PANX2: variants seen among roughly 807,000 people sequenced by gnomAD.
PANX2 encodes the protein pannexin-2.
PANX2 carries 30 observed loss-of-function variants against 38.7 expected under a neutral mutation model. The ratio of observed to expected loss-of-function variants is 0.78; its 90% CI spans 0.58 to 1.05. The LOEUF (loss-of-function observed/expected upper bound fraction) is 1.05. Ranked by LOEUF, PANX2 falls within the 50% of genes least tolerant of loss-of-function variation. The probability of loss-of-function intolerance (pLI) is 0.00; values close to 1 mark genes in which losing one functional copy is unlikely to be tolerated. For synonymous variants in PANX2, 539 were observed against 472.1 expected (o/e 1.14, Z -1.84); for missense variants, 880 against 979.3 (o/e 0.90, Z 1.35).
At chr22:50,175,761 G>A (rs761808600) in intron 1 of PANX2, among the ~76,000 whole-genome samples, 6 of 152,242 alleles carry the variant, frequency 3.9e-5, no homozygotes, top group Non-Finnish European at 8.8e-5. Context: ...CGGGAGCTCC[G>A]TGTGGGGTCT....
chr22:50,178,782 C>G (rs1358112023), intron 2 of PANX2, 152 bp from the exon 3 acceptor site: 2 of 646,922 alleles, frequency 3.1e-6, no homozygotes, highest in Non-Finnish European at 5.2e-6. Flanking sequence ...TGTTCCCAGG[C>G]CAACTGCTGT....
intron 1 of PANX2, among the ~76,000 whole-genome samples, chr22:50,173,180 A>G (rs1415025672): frequency 1.4e-5 from 2 of 147,154 alleles, no homozygotes. Flanking sequence ...ACAGGCGTTG[A>G]GCCACCGTGC....
At chr22:50,173,387 C>T (rs772640144) in intron 1 of PANX2, among the ~76,000 whole-genome samples, 51 of 152,268 alleles carry the variant, frequency 3.3e-4, no homozygotes, top group Non-Finnish European at 5.4e-4. Flanking sequence ...CGAGCACCCT[C>T]CCAGGAGCCT....
chr22:50,175,423 C>T (rs1255498175), intron 1 of PANX2: 24 of 1,295,604 alleles, frequency 1.9e-5, no homozygotes, highest in Non-Finnish European at 2.3e-5. Context: ...TCCCTGTTCT[C>T]TTCCCCAGGG....
Position 50,179,102 on chromosome 22 carries a change from A to C in PANX2, c.1859A>C (p.Asn620Thr). The change falls in exon 3 of 3, where the codon AAC becomes ACC. Residue 620 changes from asparagine (N) to threonine (T), a missense_variant. Transcript: ENST00000395842. ...GAGCCCCTCACCATCCTGAGCCGAA[A>C]CGCCACACACCCGCTGCTGCACATC... ...KAEPLTILSRNATHPLLHINT... is the reference protein window; with the variant it reads ...KAEPLTILSRTATHPLLHINT... The C allele has an allele frequency of 6.2e-7, 1 of 1,611,866 alleles. No homozygotes were observed. Among genetic ancestry groups the C allele is most frequent in the Non-Finnish European group, 8.5e-7 (1 of 1,179,432 alleles).
At chr22:50,178,553 G>T in intron 2 of PANX2, 151 bp downstream of exon 2, 1 of 567,574 alleles carries the variant, frequency 1.8e-6, no homozygotes. Context: ...GGAGGCCGAG[G>T]TTTGAACCGG....
At chr22:50,178,430 G>C (rs1002499430) in intron 2 of PANX2, 28 bp downstream of exon 2, 11 of 1,349,704 alleles carry the variant, frequency 8.1e-6, no homozygotes, top group African/African-American at 1.5e-5. Flanking sequence ...GAGAGGGGAC[G>C]GGGGACTGGG....
chr22:50,173,904 C>T (rs914438054), intron 1 of PANX2, among the ~76,000 whole-genome samples: 6 of 152,164 alleles, frequency 3.9e-5, no homozygotes, highest in Non-Finnish European at 2.9e-5. Context: ...CAATTGCTGC[C>T]CACCAAGACC....
rs1158233977 is a variant in PANX2, at chr22:50,178,114, G to T, written c.1402G>T (p.Ala468Ser). ...EKPKPARRKTATDTLIAPLLD... is the reference protein window; with the variant it reads ...EKPKPARRKTSTDTLIAPLLD... ...GCCGAAGCCCGCGCGCAGGAAGACGGCCACGGACACGCTGATCGCGCCGCT... is the reference window on the plus strand; with the variant it reads ...GCCGAAGCCCGCGCGCAGGAAGACGTCCACGGACACGCTGATCGCGCCGCT... Residue 468 changes from alanine (A) to serine (S), a missense_variant, in exon 2 of 3, where the codon GCC (alanine) becomes TCC (serine). Ala to Ser is a moderately conservative substitution (Grantham distance 99). Coordinates refer to ENST00000395842, the MANE Select transcript of PANX2 (RefSeq NM_052839.4). 1.9e-6 allele frequency: 3 copies of T among 1,542,964 alleles called. No homozygotes were observed. Among genetic ancestry groups the T allele is most frequent in the Non-Finnish European group, 2.6e-6 (3 of 1,153,552 alleles).
chr22:50,173,617 C>G (rs1017895751), intron 1 of PANX2, among the ~76,000 whole-genome samples: 1 of 152,210 alleles, frequency 6.6e-6, no homozygotes, highest in Non-Finnish European at 1.5e-5. Flanking sequence ...GTAGCAGGTG[C>G]GCAGCCACCG....
chr22:50,177,218 C>T lies in PANX2; in HGVS notation c.506C>T (p.Ala169Val). Residue 169 changes from alanine to valine, a missense_variant, in exon 2 of 3, where the codon GCC becomes GTC. Physicochemically the swap from Ala to Val is moderately conservative, Grantham distance 64. Around this residue, in one of 4 missense-constraint regions of PANX2, gnomAD observed 243 missense variants for 333.1 expected, o/e 0.73. Transcript: ENST00000395842. ...QEIDNCYHRA[A>V]EGRAPKIEKQ... is the part of the protein sequence containing the mutation. ...ATCGACAACTGTTACCACCGGGCGG[C>T]CGAGGGCCGCGCGCCCAAGATCGAG... The T allele has an allele frequency of 6.2e-7, 1 of 1,610,736 alleles. No individual in the cohort carries two copies. The highest frequency in any genetic ancestry group is 8.5e-7 in the Non-Finnish European group (1 of 1,179,018).
Position 50,177,837 on chromosome 22 carries a change from C to T in PANX2, c.1125C>T (p.Tyr375=), listed in dbSNP as rs148797329. The T allele has an allele frequency of 3.1e-4, 493 of 1,596,004 alleles. 1 individual carries two copies. The highest frequency in any genetic ancestry group is 3.9e-4 in the Non-Finnish European group (461 of 1,177,730). The part of the protein sequence containing the change: ...DFITNESDLM[Y]DNVVRQLLAA... ...TCACCAACGAGAGCGACCTCATGTACGACAACGTGGTCCGGCAGCTGCTGG... is the reference window on the plus strand; with the variant it reads ...TCACCAACGAGAGCGACCTCATGTATGACAACGTGGTCCGGCAGCTGCTGG... The change falls in exon 2 of 3, where the codon TAC becomes TAT. Residue 375 remains tyrosine, a synonymous_variant. Coordinates refer to ENST00000395842, the MANE Select transcript of PANX2 (RefSeq NM_052839.4).
At chr22:50,172,062 G>C (rs1452891006) in intron 1 of PANX2, among the ~76,000 whole-genome samples, 1 of 152,158 alleles carries the variant, frequency 6.6e-6, no homozygotes, top group Non-Finnish European at 1.5e-5. Flanking sequence ...CCAGACCCCG[G>C]GGATTAGAGG....
rs577514983 is a variant in PANX2, at chr22:50,173,148, G to A, written c.226+2192G>A. Among the ~76,000 whole-genome samples the A allele has an allele frequency of 5.3e-5, 8 of 150,906 alleles. No individual in the cohort carries two copies. In the East Asian group the frequency reaches 1.2e-3, roughly 22 times the overall value. On this transcript the variant is annotated intron_variant, in intron 1 of 2. Coordinates refer to ENST00000395842, the MANE Select transcript of PANX2 (RefSeq NM_052839.4). Reference sequence around the variant, plus strand: ...CCTGACCTCGTGATCCGCCCACCTTGGCCTCCCAAAGTGCTGGGATTACAG... The same window carrying A: ...CCTGACCTCGTGATCCGCCCACCTTAGCCTCCCAAAGTGCTGGGATTACAG...
At chr22:50,176,894 C>T (rs1236555097) in intron 1 of PANX2, 45 bp from the exon 2 acceptor site, 3 of 1,476,196 alleles carry the variant, frequency 2.0e-6, no homozygotes, top group Admixed American at 2.4e-5. Flanking sequence ...TCAGCCCAGC[C>T]CGTGCGCCTC....
Position 50,176,920 on chromosome 22 carries a change from G to A in PANX2, c.227-19G>A. 1 of 1,510,330 alleles carries A rather than the reference G, an allele frequency of 6.6e-7. No homozygotes were observed. Among genetic ancestry groups the A allele is most frequent in the Non-Finnish European group, 8.8e-7 (1 of 1,136,456 alleles). The allele number at this position is 1,510,330 out of a possible 1,614,324, so 93.6% of individuals were successfully genotyped here. A position where few individuals can be genotyped will look rare whatever the true frequency, so the allele number is the denominator to read the frequency against. ...CGTGCGCCTCCCCGCCCCAGCCCGT[G>A]TCTCCTCTTTGCCCCCAGAGGAACC... On this transcript the variant is annotated intron_variant, in intron 1 of 2. Transcript: ENST00000395842.
At position 50,180,085 on chromosome 22, in the gene PANX2, G is replaced by C. The variant is rs527508861; in HGVS notation, c.*808G>C. 1 of 152,286 alleles carries C rather than the reference G, an allele frequency of 6.6e-6. No individual in the cohort carries two copies. Among genetic ancestry groups the C allele is most frequent in the South Asian group, 2.1e-4 (1 of 4,844 alleles). 9.4% of individuals were successfully genotyped at this position (152,286 alleles called of 1,614,324 possible). A position where few individuals can be genotyped will look rare whatever the true frequency, so the allele number is the denominator to read the frequency against. On this transcript the variant is annotated 3_prime_UTR_variant, in exon 3 of 3. Transcript: ENST00000395842. The stretch of plus-strand genomic sequence containing the variant: ...CGAGTGCGTGAGTGCACGCCAGCGC[G>C]TGGCCCATGTATGAGGAGTGAAGGG...
In PANX2 at chr22:50,177,514, G is replaced by T. The variant is rs768082936; in HGVS notation, c.802G>T (p.Ala268Ser). The T allele has an allele frequency of 3.1e-6, 5 of 1,609,502 alleles. No individual in the cohort carries two copies. The South Asian group carries it at 4.4e-5, about 14-fold the overall frequency. The stretch of plus-strand genomic sequence containing the variant: ...CGCGCTGGGCGCGTCCCCGGACGGG[G>T]CGGCAGGTGCGGGGCCCGCGGTGCG... ...TCALGASPDG[A>S]AGAGPAVRVS... Residue 268 changes from alanine (A) to serine (S), a missense_variant, in exon 2 of 3, where the codon GCG becomes TCG. By Grantham distance (99) the Ala-to-Ser change is moderately conservative. Coordinates refer to ENST00000395842, the MANE Select transcript of PANX2 (RefSeq NM_052839.4).
rs1476688440 is a variant in PANX2 at position 50,178,379 on chromosome 22, G to A, written c.1667G>A (p.Gly556Asp). Reference protein sequence around the residue: ...FLSQAEDCGLGLAPAPIKDAP... With the variant: ...FLSQAEDCGLDLAPAPIKDAP... ...TCCCAGGCGGAGGACTGTGGGCTAG[G>A]CCTGGCCCCGGCGCCCATCAAAGGT... Residue 556 changes from glycine to aspartate, a missense_variant, in exon 2 of 3, where the codon GGC (glycine) becomes GAC (aspartate). Coordinates refer to ENST00000395842, the MANE Select transcript of PANX2 (RefSeq NM_052839.4). 7.0e-7 allele frequency: 1 copy of A among 1,438,648 alleles called. No homozygotes were observed. Among genetic ancestry groups the A allele is most frequent in the Non-Finnish European group, 9.1e-7 (1 of 1,103,324 alleles). 89.1% of individuals were successfully genotyped at this position (1,438,648 alleles called of 1,614,324 possible).
Sources: allele counts gnomAD v4.1 joint callset (sites outside exome capture counted in the v4.1 genomes callset), GRCh38; gene constraint gnomAD v4.1.1; regional missense constraint gnomAD v4.1.1; transcripts MANE v1.5; gene names NCBI Gene and HGNC (gene_info 2026-07-23, HGNC 2026-07-21).